Variants in CLPB observed in about 807,000 individuals in gnomAD.
CLPB encodes the protein mitochondrial disaggregase.
CLPB carries 40 observed loss-of-function variants against 78.4 expected under a neutral mutation model. The ratio of observed to expected loss-of-function variants is 0.51; its 90% CI spans 0.40 to 0.66. The LOEUF (loss-of-function observed/expected upper bound fraction) is 0.66, where lower values mean the gene tolerates loss of function less well. Ranked by LOEUF, CLPB falls within the 30% of genes least tolerant of loss-of-function variation. The probability of loss-of-function intolerance (pLI) is 0.00; values close to 1 mark genes in which losing one functional copy is unlikely to be tolerated. For missense variants in CLPB, 780 were observed against 886.9 expected (o/e 0.88, Z 1.53); for synonymous variants, 333 against 348.0 (o/e 0.96, Z 0.48).
chr11:72,343,481 T>C (rs755255996), intron 5 of CLPB, among the ~76,000 whole-genome samples: 3 of 152,136 alleles, frequency 2.0e-5, no homozygotes, highest in Non-Finnish European at 2.9e-5. Flanking sequence ...TCATAAAACA[T>C]TTGCTTTTTA....
intron 6 of CLPB, among the ~76,000 whole-genome samples, chr11:72,324,158 G>A (rs1033131495): frequency 1.3e-5 from 2 of 151,978 alleles, no homozygotes; most frequent in South Asian, 4.2e-4. Context: ...GGCTTTTGGG[G>A]TGCTTCTAAT....
intron 2 of CLPB, among the ~76,000 whole-genome samples, chr11:72,423,123 A>C (rs1321552161): frequency 6.6e-6 from 1 of 152,242 alleles, no homozygotes; most frequent in East Asian, 1.9e-4. Flanking sequence ...ACCAGAAATC[A>C]AAACAGGACA....
chr11:72,411,720 C>A (rs1218872177), intron 2 of CLPB: 2 of 152,130 alleles, frequency 1.3e-5, no homozygotes, highest in Non-Finnish European at 2.9e-5. Context: ...AGGGAGGTAC[C>A]ACTTGATTTT....
At chr11:72,413,086 C>G (rs1049973945) in intron 2 of CLPB, among the ~76,000 whole-genome samples, 3 of 151,926 alleles carry the variant, frequency 2.0e-5, no homozygotes, top group African/African-American at 7.3e-5. Context: ...GTCGGGAGTT[C>G]GAGACCAGCC....
rs1165152571 is a variant in CLPB, at chr11:72,285,986, C to T, written c.*7381G>A. 3.4e-5 allele frequency: 5 copies of T among 148,906 alleles called. No homozygotes were observed. In the East Asian group the frequency reaches 7.9e-4, roughly 23 times the overall value. 9.2% of individuals were successfully genotyped at this position (148,906 alleles called of 1,614,324 possible). A position where few individuals can be genotyped will look rare whatever the true frequency, so the allele number is the denominator to read the frequency against. On this transcript the variant is annotated 3_prime_UTR_variant, in exon 16 of 16. Coordinates refer to ENST00000538039, the MANE Select transcript of CLPB (RefSeq NM_001258392.3). Reference sequence around the variant, plus strand: ...TTTTTTTTGGAGATAGGCTGGAGTGCAGTGGCACGATCTCATCTCACAGCA... The same window carrying T: ...TTTTTTTTGGAGATAGGCTGGAGTGTAGTGGCACGATCTCATCTCACAGCA...
chr11:72,370,444 C>G (rs1251857275), intron 4 of CLPB, among the ~76,000 whole-genome samples: 1 of 152,190 alleles, frequency 6.6e-6, no homozygotes, highest in Non-Finnish European at 1.5e-5. Context: ...AGAACCAGCA[C>G]TATGGAGAAA....
rs536031247 is a variant in CLPB, at chr11:72,401,283, C to CA, written c.542+1682dup. On this transcript the variant is annotated intron_variant, in intron 3 of 15. Coordinates refer to ENST00000538039, the MANE Select transcript of CLPB (RefSeq NM_001258392.3). ...TGAAACCCCATCTCTACTAAAAATA[C>CA]AAAAAAAATTAGCTGGGTGTGGTGG... Among the ~76,000 whole-genome samples, 7 of 151,642 alleles carry CA rather than the reference C, an allele frequency of 4.6e-5. No homozygotes were observed. In the East Asian group the frequency reaches 1.2e-3, roughly 25 times the overall value.
rs1483849655 is a variant in CLPB, at chr11:72,406,833, C to T, written c.456-3781G>A. ...CTTGCTTTCCAAGACCTGAGCCAGG[C>T]AAGATCTATCTCTTCTTTTCCTTCC... On this transcript the variant is annotated intron_variant, in intron 2 of 15. Transcript: ENST00000538039. Among the ~76,000 whole-genome samples, 4 of 152,190 alleles carry T rather than the reference C, an allele frequency of 2.6e-5. No individual in the cohort carries two copies. The East Asian group carries it at 7.7e-4, about 29-fold the overall frequency.
intron 5 of CLPB, among the ~76,000 whole-genome samples, chr11:72,340,583 G>A (rs1457273268): frequency 6.6e-6 from 1 of 152,162 alleles, no homozygotes; most frequent in Non-Finnish European, 1.5e-5. Flanking sequence ...AGTTCAATGG[G>A]TAGAATGCTG....
intron 3 of CLPB, among the ~76,000 whole-genome samples, chr11:72,389,565 T>C (rs1412648462): frequency 1.3e-5 from 2 of 152,296 alleles, no homozygotes; most frequent in East Asian, 3.9e-4. Flanking sequence ...TGTTTTTCTA[T>C]ATCAGGACAC....
intron 3 of CLPB, among the ~76,000 whole-genome samples, chr11:72,397,854 CTAAT>C (rs1466039148): frequency 1.3e-5 from 2 of 152,162 alleles, no homozygotes; most frequent in Non-Finnish European, 2.9e-5. Context: ...CACATATACT[CTAAT>C]TAAGGGACTA....
At chr11:72,413,207 T>C (rs778095529) in intron 2 of CLPB, among the ~76,000 whole-genome samples, 4 of 152,014 alleles carry the variant, frequency 2.6e-5, no homozygotes, top group Non-Finnish European at 4.4e-5. Context: ...GAGAATCGCT[T>C]GAACCCTGGA....
intron 5 of CLPB, 71 bp from the exon 6 acceptor site, chr11:72,329,875 G>T: frequency 8.3e-7 from 1 of 1,203,022 alleles, no homozygotes; most frequent in Non-Finnish European, 1.2e-6. Context: ...CCTTGGAGGT[G>T]GCTTAAGGCT....
chr11:72,348,423 T>G (rs1473990687), intron 5 of CLPB, among the ~76,000 whole-genome samples: 2 of 152,208 alleles, frequency 1.3e-5, no homozygotes, highest in African/African-American at 4.8e-5. Flanking sequence ...ATCCAGCAGG[T>G]GGCCAGCTTC....
At chr11:72,409,076 A>G (rs1022891096) in intron 2 of CLPB, among the ~76,000 whole-genome samples, 1 of 152,242 alleles carries the variant, frequency 6.6e-6, no homozygotes, top group Non-Finnish European at 1.5e-5. Context: ...GATGATGAGT[A>G]GAATGCTTAA....
Position 72,293,249 on chromosome 11 carries a change from C to T in CLPB, c.*118G>A. ...TCTTCATGGGCTGTGAGGAGGTAAGCAGGCCTGAGACTGGGTAGAGATGGG... is the reference window on the plus strand; with the variant it reads ...TCTTCATGGGCTGTGAGGAGGTAAGTAGGCCTGAGACTGGGTAGAGATGGG... On this transcript the variant is annotated 3_prime_UTR_variant, in exon 16 of 16. Coordinates refer to ENST00000538039, the MANE Select transcript of CLPB (RefSeq NM_001258392.3). 7.6e-7 allele frequency: 1 copy of T among 1,309,642 alleles called. No individual in the cohort carries two copies. Among genetic ancestry groups the T allele is most frequent in the Non-Finnish European group, 1.1e-6 (1 of 945,470 alleles). 81.1% of individuals were successfully genotyped at this position (1,309,642 alleles called of 1,614,324 possible). A position where few individuals can be genotyped will look rare whatever the true frequency, so the allele number is the denominator to read the frequency against.
chr11:72,387,102 A>AT (rs1855100435), intron 3 of CLPB, among the ~76,000 whole-genome samples: 1 of 152,246 alleles, frequency 6.6e-6, no homozygotes, highest in South Asian at 2.1e-4. Context: ...ACAGTAATGT[A>AT]TTATAACCCA....
chr11:72,404,862 T>G (rs1334745821), intron 2 of CLPB, among the ~76,000 whole-genome samples: 1 of 152,214 alleles, frequency 6.6e-6, no homozygotes, highest in Non-Finnish European at 1.5e-5. Context: ...TTTACTCTGG[T>G]GAAGGTCCCT....
chr11:72,374,652 A>C (rs1301791164), intron 4 of CLPB, among the ~76,000 whole-genome samples: 3 of 152,252 alleles, frequency 2.0e-5, no homozygotes, highest in Admixed American at 6.5e-5. Context: ...TAGGAATGGC[A>C]TAACCAAAGA....
Sources: gnomAD v4.1 joint callset for allele counts (sites outside exome capture counted in the v4.1 genomes callset) on GRCh38, gnomAD v4.1.1 for gene constraint, MANE v1.5 for transcripts, NCBI Gene and HGNC (gene_info 2026-07-23, HGNC 2026-07-21) for gene names.